The following KAT2B variants were observed in gnomAD, a reference collection of about 807,000 sequenced individuals.
The protein encoded by KAT2B is histone acetyltransferase KAT2B.
KAT2B carries 36 observed loss-of-function variants against 105.9 expected under a neutral mutation model. The observed-to-expected ratio is 0.34, with a 90% confidence interval of 0.26 to 0.45. The LOEUF (loss-of-function observed/expected upper bound fraction) is 0.45, where lower values mean the gene tolerates loss of function less well. KAT2B is among the 20% of genes least tolerant of loss of function. The pLI is 1.00. For missense variants in KAT2B, 820 were observed against 1,021.6 expected, an observed-to-expected ratio of 0.80 and a Z score of 2.69; for synonymous variants, 397 against 377.9, an observed-to-expected ratio of 1.05 and a Z score of -0.59.
Position 20,149,519 on chromosome 3 carries a change from A to AG in KAT2B, c.2305+1032_2305+1033insG, listed in dbSNP as rs1699836006. Reference sequence around the variant, plus strand: ...TCAAAAAAAAAAAAAAAAAAAAAAAAATTGTGGAAGTGTTAAAAATGTGAA... The same window carrying AG: ...TCAAAAAAAAAAAAAAAAAAAAAAAAGATTGTGGAAGTGTTAAAAATGTGAA... On this transcript the variant is annotated intron_variant, in intron 17 of 17. Coordinates refer to ENST00000263754, the MANE Select transcript of KAT2B (RefSeq NM_003884.5). Among the ~76,000 whole-genome samples, 2 of 149,520 alleles carry AG rather than the reference A, an allele frequency of 1.3e-5. 1 individual carries two copies. The highest frequency in any genetic ancestry group is 3.0e-5 in the Non-Finnish European group (2 of 67,484).
intron 13 of KAT2B, among the ~76,000 whole-genome samples, chr3:20,143,932 C>T (rs1386575101): frequency 1.3e-5 from 2 of 152,138 alleles, no homozygotes; most frequent in Non-Finnish European, 2.9e-5. Flanking sequence ...CTGTCAGGTA[C>T]TGTGCTCACT....
chr3:20,138,294 G>A (rs1185131207), intron 12 of KAT2B, among the ~76,000 whole-genome samples: 1 of 151,964 alleles, frequency 6.6e-6, no homozygotes, highest in East Asian at 1.9e-4. Flanking sequence ...TTTTTTCTGT[G>A]TGTATATAAA....
At chr3:20,047,160 T>C (rs1228161863) in intron 1 of KAT2B, among the ~76,000 whole-genome samples, 1 of 150,568 alleles carries the variant, frequency 6.6e-6, no homozygotes, top group Non-Finnish European at 1.5e-5. Flanking sequence ...CAGGTGGTCC[T>C]CCCACCCTAG....
At chr3:20,062,384 A>G (rs1215207595) in intron 1 of KAT2B, among the ~76,000 whole-genome samples, 2 of 116,900 alleles carry the variant, frequency 1.7e-5, no homozygotes, top group Non-Finnish European at 3.4e-5. Flanking sequence ...TATATTATAT[A>G]TAACATAATA....
intron 3 of KAT2B, among the ~76,000 whole-genome samples, chr3:20,099,388 T>G (rs1414793344): frequency 6.6e-6 from 1 of 152,236 alleles, no homozygotes; most frequent in Non-Finnish European, 1.5e-5. Context: ...GCCTCTTTTG[T>G]GCAGAATAGA....
intron 2 of KAT2B, among the ~76,000 whole-genome samples, chr3:20,085,240 T>C (rs1275913944): frequency 6.6e-6 from 1 of 152,152 alleles, no homozygotes; most frequent in Non-Finnish European, 1.5e-5. Context: ...TAAATAAAAT[T>C]ATTTCTGTAA....
At chr3:20,053,550 A>AC (rs1210236973) in intron 1 of KAT2B, among the ~76,000 whole-genome samples, 1 of 152,190 alleles carries the variant, frequency 6.6e-6, no homozygotes, top group Non-Finnish European at 1.5e-5. Context: ...ACAAGACAAA[A>AC]CAAAAAAACT....
At chr3:20,142,203 T>A (rs9310611) in intron 13 of KAT2B, among the ~76,000 whole-genome samples, 3 of 152,078 alleles carry the variant, frequency 2.0e-5, no homozygotes, top group Non-Finnish European at 4.4e-5. Flanking sequence ...TTTAGATGGC[T>A]AACAAAGCAG....
At chr3:20,048,817 G>T (rs978970137) in intron 1 of KAT2B, among the ~76,000 whole-genome samples, 5 of 149,956 alleles carry the variant, frequency 3.3e-5, no homozygotes, top group Non-Finnish European at 7.3e-5. Flanking sequence ...CATGGGGAGA[G>T]AAGGAGGGGA....
In KAT2B at chr3:20,102,311, A is replaced by G. The variant is rs537189211; in HGVS notation, c.851+843A>G. On this transcript the variant is annotated intron_variant, in intron 5 of 17. Transcript: ENST00000263754. ...CAGAGCAAGACTCTGTCTCAAAAAA[A>G]AAATTTTTTTTAAAGGAAAGATTAG... is the stretch of plus-strand genomic sequence containing the variant. 3.5e-4 allele frequency among the ~76,000 whole-genome samples: 53 copies of G among 152,294 alleles called. 1 individual carries two copies. The highest frequency in any genetic ancestry group is 7.2e-4 in the Admixed American group (11 of 15,290).
rs1457303750 is a variant in KAT2B at position 20,114,982 on chromosome 3, C to G, written c.1144C>G (p.Gln382Glu). The G allele has an allele frequency of 6.2e-7, 1 of 1,602,390 alleles. No homozygotes were observed. Residue 382 changes from glutamine (Q) to glutamate (E), a missense_variant, in exon 7 of 18, where the codon CAA (glutamine) becomes GAA (glutamate). This residue lies in a region of KAT2B where 225 missense variants were observed against 268.1 expected (regional missense o/e 0.84). Transcript: ENST00000263754. The stretch of plus-strand genomic sequence containing the variant: ...TTCCAGAACCAGCCAGCTAGGCATC[C>G]AAACAGGTAAGTTTCCTTTTACATG... ...ASSRTSQLGI[Q>E]TVINPPPVAG... is the part of the protein sequence containing the mutation.
chr3:20,062,309 A>ATATGT (rs1559514594), intron 1 of KAT2B, among the ~76,000 whole-genome samples: 1 of 81,356 alleles, frequency 1.2e-5, no homozygotes, highest in Non-Finnish European at 2.2e-5. Context: ...ATAAAATATA[A>ATATGT]TATATATAAA....
Position 20,127,456 on chromosome 3 carries a change from C to T in KAT2B, c.1656C>T (p.Gly552=), listed in dbSNP as rs1699426731. 1.2e-6 allele frequency: 2 copies of T among 1,612,862 alleles called. No homozygotes were observed. The highest frequency in any genetic ancestry group is 2.7e-5 in the African/African-American group (2 of 74,858). The change falls in exon 11 of 18, where the codon GGC becomes GGT. Residue 552 remains glycine, a synonymous_variant. Transcript: ENST00000263754. ...AAACCCTTGCTTTAATTAAAGATGG[C>T]CGTGTTATTGGTGGTATCTGTTTCC... The part of the protein sequence containing the change: ...KHKTLALIKD[G]RVIGGICFRM...
At chr3:20,076,139 ACTC>A (rs1326039521) in intron 2 of KAT2B, among the ~76,000 whole-genome samples, 1 of 151,932 alleles carries the variant, frequency 6.6e-6, no homozygotes, top group African/African-American at 2.4e-5. Flanking sequence ...AATAAAAGAT[ACTC>A]CTCCTGCTCA....
chr3:20,070,112 C>T lies in KAT2B; in HGVS notation c.304-2221C>T, dbSNP rs572142689. Among the ~76,000 whole-genome samples, 21 of 152,176 alleles carry T rather than the reference C, an allele frequency of 1.4e-4. No homozygotes were observed. In the South Asian group the frequency reaches 3.3e-3, roughly 24 times the overall value. On this transcript the variant is annotated intron_variant, in intron 1 of 17. Transcript: ENST00000263754. The stretch of plus-strand genomic sequence containing the variant: ...TTGAGCTACTCACTGGGGGATGTAG[C>T]TATGGGGATGCTGATGTAGGTGCTT...
chr3:20,102,073 T>C (rs1275770040), intron 5 of KAT2B, among the ~76,000 whole-genome samples: 1 of 152,132 alleles, frequency 6.6e-6, no homozygotes, highest in African/African-American at 2.4e-5. Flanking sequence ...TCCTAGCACT[T>C]TGGGAGTCTA....
chr3:20,046,213 C>G (rs1474820851), intron 1 of KAT2B, among the ~76,000 whole-genome samples: 1 of 152,180 alleles, frequency 6.6e-6, no homozygotes, highest in Non-Finnish European at 1.5e-5. Context: ...ATGGAGAACC[C>G]AGTTGCTTGG....
intron 11 of KAT2B, among the ~76,000 whole-genome samples, chr3:20,135,392 C>T (rs908226242): frequency 3.9e-5 from 6 of 152,130 alleles, no homozygotes; most frequent in Non-Finnish European, 5.9e-5. Context: ...CGGTGGCTCA[C>T]GCCTGTAATC....
chr3:20,052,356 GAGCCCATAAGGCCTC>G (rs1316798160), intron 1 of KAT2B, among the ~76,000 whole-genome samples: 4 of 152,114 alleles, frequency 2.6e-5, no homozygotes, highest in Non-Finnish European at 4.4e-5. Context: ...TGGGTTCATG[GAGCCCATAAGGCCTC>G]AGCCCATAGG....
Sources: gnomAD v4.1 joint callset for allele counts (sites outside exome capture counted in the v4.1 genomes callset) on GRCh38, gnomAD v4.1.1 for gene constraint, gnomAD v4.1.1 regional missense constraint, MANE v1.5 for transcripts, NCBI Gene and HGNC (gene_info 2026-07-23, HGNC 2026-07-21) for gene names.